AMPH: variants seen among roughly 807,000 people sequenced by gnomAD.
AMPH encodes amphiphysin.
A neutral mutation model predicts 99.1 loss-of-function variants in AMPH; 49 were observed. That is an observed-to-expected ratio of 0.49 (90% CI 0.39 to 0.63). The LOEUF is 0.63. Among genes scored for constraint, AMPH ranks in the 20% least tolerant of loss-of-function variants. The pLI is 0.00. For synonymous variants in AMPH, 314 were observed against 317.3 expected (o/e 0.99, Z 0.11); for missense variants, 759 against 863.4 (o/e 0.88, Z 1.52).
intron 1 of AMPH, among the ~76,000 whole-genome samples, chr7:38,602,612 G>A (rs918655872): frequency 2.0e-5 from 3 of 152,022 alleles, no homozygotes; most frequent in African/African-American, 7.3e-5. Context: ...GCCTACCCCA[G>A]TAATCCAGAA....
intron 1 of AMPH, among the ~76,000 whole-genome samples, chr7:38,573,081 C>G (rs1460034427): frequency 6.6e-6 from 1 of 152,136 alleles, no homozygotes; most frequent in Non-Finnish European, 1.5e-5. Context: ...ATAGTCCGTA[C>G]TCTCTTTTGA....
rs1033368163 is a variant in AMPH, at chr7:38,488,726, G to A, written c.396+2324C>T. 1.1e-4 allele frequency among the ~76,000 whole-genome samples: 17 copies of A among 152,112 alleles called. No individual in the cohort carries two copies. The East Asian group carries it at 3.3e-3, about 29-fold the overall frequency. ...GGTAACAACCTGAGAAAGAAGTTACGAGAGCAATACCAATTACAATAGCAT... is the reference window on the plus strand; with the variant it reads ...GGTAACAACCTGAGAAAGAAGTTACAAGAGCAATACCAATTACAATAGCAT... On this transcript the variant is annotated intron_variant, in intron 5 of 20. Transcript: ENST00000356264.
At chr7:38,544,807 G>T in intron 1 of AMPH, among the ~76,000 whole-genome samples, 1 of 152,186 alleles carries the variant, frequency 6.6e-6, no homozygotes, top group Non-Finnish European at 1.5e-5. Context: ...AGTGTTTAAT[G>T]AGGGTTTATT....
chr7:38,629,343 G>C (rs1357019991), intron 1 of AMPH, among the ~76,000 whole-genome samples: 1 of 152,096 alleles, frequency 6.6e-6, no homozygotes, highest in Non-Finnish European at 1.5e-5. Flanking sequence ...CTCTATACTA[G>C]GTGCGGCAGG....
intron 11 of AMPH, 33 bp downstream of exon 11, chr7:38,461,250 C>A: frequency 6.2e-7 from 1 of 1,612,196 alleles, no homozygotes; most frequent in Non-Finnish European, 8.5e-7. Flanking sequence ...ATGGGACTTT[C>A]ATGGACATAC....
At chr7:38,545,933 A>T (rs1295427959) in intron 1 of AMPH, among the ~76,000 whole-genome samples, 1 of 152,236 alleles carries the variant, frequency 6.6e-6, no homozygotes, top group Non-Finnish European at 1.5e-5. Flanking sequence ...TTATACATAC[A>T]TTGCAGGTTT....
intron 12 of AMPH, among the ~76,000 whole-genome samples, chr7:38,432,601 C>CACACACACAT (rs1041902469): frequency 6.6e-6 from 1 of 151,580 alleles, no homozygotes; most frequent in Non-Finnish European, 1.5e-5. Context: ...CACACACACA[C>CACACACACAT]ACACACACAC....
intron 1 of AMPH, among the ~76,000 whole-genome samples, chr7:38,587,746 T>G (rs1369475663): frequency 6.6e-6 from 1 of 152,132 alleles, no homozygotes; most frequent in Non-Finnish European, 1.5e-5. Flanking sequence ...GCCAATGTCT[T>G]CAGTCCATTC....
intron 5 of AMPH, among the ~76,000 whole-genome samples, chr7:38,484,096 T>G (rs1788398106): frequency 6.6e-6 from 1 of 151,806 alleles, no homozygotes; most frequent in Admixed American, 6.6e-5. Context: ...AAATGCAAAA[T>G]AGTGAAAACA....
Position 38,631,315 on chromosome 7 carries a change from C to A in AMPH, c.37G>T (p.Val13Phe), listed in dbSNP as rs780415781. The change falls in exon 1 of 21, where the codon GTC (valine) becomes TTC (phenylalanine). Residue 13 changes from valine to phenylalanine, a missense_variant. By Grantham distance (50) the Val-to-Phe change is conservative. This residue lies in a region of AMPH where 205 missense variants were observed against 287.9 expected (regional missense o/e 0.71). Transcript: ENST00000356264. ...DIKTGIFAKN[V>F]QKRLNRAQEK... ...TGCGCGCGGTTGAGTCGCTTCTGGACGTTCTTGGCGAAGATGCCCGTCTTG... is the reference window on the plus strand; with the variant it reads ...TGCGCGCGGTTGAGTCGCTTCTGGAAGTTCTTGGCGAAGATGCCCGTCTTG... 1.1e-5 allele frequency: 17 copies of A among 1,551,758 alleles called. No individual in the cohort carries two copies. The highest frequency in any genetic ancestry group is 1.4e-5 in the Non-Finnish European group (16 of 1,149,666).
At position 38,387,882 on chromosome 7, in the gene AMPH, A is replaced by C. The variant is rs1402858424; in HGVS notation, c.1980+1922T>G. Among the ~76,000 whole-genome samples, 3 of 151,984 alleles carry C rather than the reference A, an allele frequency of 2.0e-5. No individual in the cohort carries two copies. The East Asian group carries it at 5.8e-4, about 29-fold the overall frequency. Reference sequence around the variant, plus strand: ...AAGTAGTCAGGGAAAGTCACTTTGCATACAGAGAAGCAATATTAAACAAAT... The same window carrying C: ...AAGTAGTCAGGGAAAGTCACTTTGCCTACAGAGAAGCAATATTAAACAAAT... On this transcript the variant is annotated intron_variant, in intron 20 of 20. Coordinates refer to ENST00000356264, the MANE Select transcript of AMPH (RefSeq NM_001635.4).
chr7:38,451,384 G>GA (rs1787024790), intron 11 of AMPH, among the ~76,000 whole-genome samples: 1 of 148,502 alleles, frequency 6.7e-6, no homozygotes, highest in Non-Finnish European at 1.5e-5. Context: ...ATATACACAT[G>GA]TATATATACA....
At chr7:38,485,275 A>T (rs73356688) in intron 5 of AMPH, among the ~76,000 whole-genome samples, 5,300 of 152,070 alleles carry the variant, frequency 0.035, 276 homozygotes, top group African/African-American at 0.12. Flanking sequence ...GAAAATAAAG[A>T]GATGCAAAAA....
intron 5 of AMPH, among the ~76,000 whole-genome samples, chr7:38,480,603 C>T (rs6955569): frequency 0.034 from 5,225 of 152,174 alleles, 266 homozygotes; most frequent in African/African-American, 0.12. Flanking sequence ...ATTTTCCCTG[C>T]ACCTACCACT....
At chr7:38,498,583 T>C (rs1159910678) in intron 3 of AMPH, among the ~76,000 whole-genome samples, 2 of 152,162 alleles carry the variant, frequency 1.3e-5, no homozygotes, top group African/African-American at 4.8e-5. Context: ...TGTCAATGCT[T>C]ATCTCAGTGC....
At chr7:38,497,151 G>T (rs3807414) in intron 3 of AMPH, among the ~76,000 whole-genome samples, 4 of 152,070 alleles carry the variant, frequency 2.6e-5, no homozygotes, top group African/African-American at 9.7e-5. Context: ...CAGGTGAAAG[G>T]CTTCAAGCCT....
At position 38,613,969 on chromosome 7, in the gene AMPH, G is replaced by A. The variant is rs545670923; in HGVS notation, c.69+17314C>T. ...CTGTACTCAACATGTGACATGGCAG[G>A]AGTCCACCCCATAGTCTAAAGGTCA... On this transcript the variant is annotated intron_variant, in intron 1 of 20. Coordinates refer to ENST00000356264, the MANE Select transcript of AMPH (RefSeq NM_001635.4). Among the ~76,000 whole-genome samples the A allele has an allele frequency of 2.6e-5, 4 of 152,166 alleles. No homozygotes were observed. The East Asian group carries it at 5.8e-4, about 22-fold the overall frequency.
chr7:38,391,929 T>C lies in AMPH; in HGVS notation c.1697A>G (p.Lys566Arg). The change falls in exon 19 of 21, where the codon AAG becomes AGG. Residue 566 changes from lysine (K) to arginine (R), a missense_variant. Physicochemically the swap from Lys to Arg is conservative, Grantham distance 26. This residue lies in a region of AMPH where 554 missense variants were observed against 575.6 expected (regional missense o/e 0.96). Coordinates refer to ENST00000356264, the MANE Select transcript of AMPH (RefSeq NM_001635.4). ...ENEITIGAEP[K>R]ETTEDAAPPG... ...AGGAGCCGCGTCCTCGGTGGTCTCCTTGGGCTCTGCACCTATAGTTATTTC... is the reference window on the plus strand; with the variant it reads ...AGGAGCCGCGTCCTCGGTGGTCTCCCTGGGCTCTGCACCTATAGTTATTTC... The C allele has an allele frequency of 4.3e-6, 7 of 1,612,706 alleles. No homozygotes were observed. The highest frequency in any genetic ancestry group is 5.9e-6 in the Non-Finnish European group (7 of 1,179,956).
At chr7:38,563,788 C>T (rs943639497) in intron 1 of AMPH, among the ~76,000 whole-genome samples, 21 of 152,168 alleles carry the variant, frequency 1.4e-4, no homozygotes, top group African/African-American at 4.3e-4. Context: ...TATTTCTTAT[C>T]TCAAAGACCA....
Sources: gnomAD v4.1 joint callset for allele counts (sites outside exome capture counted in the v4.1 genomes callset) on GRCh38, gnomAD v4.1.1 for gene constraint, gnomAD v4.1.1 regional missense constraint, MANE v1.5 for transcripts, NCBI Gene and HGNC (gene_info 2026-07-23, HGNC 2026-07-21) for gene names.